Variants in CNTN5 observed in about 807,000 individuals in gnomAD.
CNTN5 encodes the protein contactin 5, also known as contactin-5.
CNTN5 carries 77 observed loss-of-function variants against 129.1 expected under a neutral mutation model. The observed-to-expected ratio is 0.60, with a 90% CI of 0.50 to 0.72. The LOEUF is 0.72. Among genes scored for constraint, CNTN5 ranks in the 30% least tolerant of loss-of-function variants. The pLI, the probability that CNTN5 is intolerant of heterozygous loss-of-function variation, is 0.00. For synonymous variants in CNTN5, 509 were observed against 465.6 expected (o/e 1.09, Z -1.20); for missense variants, 1,478 against 1,328.8 (o/e 1.11, Z -1.75).
chr11:100,241,379 C>G (rs920915015), intron 16 of CNTN5, among the ~76,000 whole-genome samples: 1 of 152,202 alleles, frequency 6.6e-6, no homozygotes, highest in African/African-American at 2.4e-5. Context: ...GCCTACTTTA[C>G]TGCCTGGAAA....
chr11:99,535,530 T>A (rs1947868677), intron 2 of CNTN5, among the ~76,000 whole-genome samples: 1 of 152,110 alleles, frequency 6.6e-6, no homozygotes, highest in African/African-American at 2.4e-5. Context: ...CATGGGGAGC[T>A]CTATTCAGAG....
At chr11:99,916,742 A>G (rs1949799821) in intron 7 of CNTN5, among the ~76,000 whole-genome samples, 1 of 151,962 alleles carries the variant, frequency 6.6e-6, no homozygotes, top group Non-Finnish European at 1.5e-5. Flanking sequence ...TCCTTTTGCA[A>G]GCTTACACCT....
intron 8 of CNTN5, among the ~76,000 whole-genome samples, chr11:100,000,169 TAAA>T (rs1939768036): frequency 6.7e-6 from 1 of 149,932 alleles, no homozygotes; most frequent in South Asian, 2.1e-4. Context: ...ATAATAAAAA[TAAA>T]TAAATAAATA....
At chr11:99,875,719 C>T (rs919953099) in intron 6 of CNTN5, among the ~76,000 whole-genome samples, 2 of 150,520 alleles carry the variant, frequency 1.3e-5, no homozygotes, top group Non-Finnish European at 3.0e-5. Context: ...TGCTAAAAGT[C>T]TGTACACTCT....
chr11:99,636,245 G>A (rs1015732338), intron 3 of CNTN5, among the ~76,000 whole-genome samples: 20 of 152,204 alleles, frequency 1.3e-4, no homozygotes, highest in African/African-American at 4.1e-4. Context: ...AGTTATATGG[G>A]GGAGATTGGG....
chr11:99,976,961 A>G (rs894472603), intron 8 of CNTN5, among the ~76,000 whole-genome samples: 2 of 152,322 alleles, frequency 1.3e-5, no homozygotes, highest in East Asian at 3.9e-4. Flanking sequence ...CCTTTTAAAC[A>G]TAAGCTTGAA....
At chr11:99,356,018 G>C (rs918267729) in intron 2 of CNTN5, among the ~76,000 whole-genome samples, 3 of 151,728 alleles carry the variant, frequency 2.0e-5, no homozygotes, top group African/African-American at 7.3e-5. Context: ...AGTAGAGACG[G>C]GGTTTCACCA....
chr11:100,160,825 A>ACTAT, intron 13 of CNTN5, among the ~76,000 whole-genome samples: 1 of 152,014 alleles, frequency 6.6e-6, no homozygotes, highest in African/African-American at 2.4e-5. Context: ...GGTGGAGAAC[A>ACTAT]CTATCTGCAG....
chr11:99,629,092 G>A (rs570560127), intron 3 of CNTN5, among the ~76,000 whole-genome samples: 1 of 152,086 alleles, frequency 6.6e-6, no homozygotes, highest in South Asian at 2.1e-4. Context: ...CAATAAATAT[G>A]TTGGGTCAAT....
chr11:99,269,733 A>G (rs1470057775), intron 1 of CNTN5, among the ~76,000 whole-genome samples: 1 of 148,080 alleles, frequency 6.8e-6, no homozygotes, highest in African/African-American at 2.6e-5. Context: ...AATATTTCAG[A>G]TAAGTCATCT....
intron 7 of CNTN5, among the ~76,000 whole-genome samples, chr11:99,941,764 T>C (rs1456722773): frequency 6.6e-6 from 1 of 152,058 alleles, no homozygotes. Flanking sequence ...GTAAAAATTA[T>C]TGCACGTGTC....
intron 2 of CNTN5, among the ~76,000 whole-genome samples, chr11:99,511,938 G>A (rs180947725): frequency 6.6e-6 from 1 of 151,874 alleles, no homozygotes; most frequent in African/African-American, 2.4e-5. Context: ...AATGTTATGA[G>A]TCAAAAAAGT....
At chr11:99,770,083 A>G (rs1299572696) in intron 3 of CNTN5, among the ~76,000 whole-genome samples, 1 of 152,178 alleles carries the variant, frequency 6.6e-6, no homozygotes, top group East Asian at 1.9e-4. Flanking sequence ...TTCCTGGAAC[A>G]GGAGTGTTTG....
intron 1 of CNTN5, among the ~76,000 whole-genome samples, chr11:99,100,319 G>A (rs1260411714): frequency 6.6e-6 from 1 of 151,970 alleles, no homozygotes; most frequent in African/African-American, 2.4e-5. Flanking sequence ...AGAGAGGTAG[G>A]GGGAACCTAA....
chr11:99,708,812 C>A (rs906572606), intron 3 of CNTN5, among the ~76,000 whole-genome samples: 4 of 151,730 alleles, frequency 2.6e-5, no homozygotes, highest in African/African-American at 9.7e-5. Context: ...TCATCCTTCT[C>A]ATTTTCTTTA....
At chr11:99,254,479 C>G in intron 1 of CNTN5, among the ~76,000 whole-genome samples, 1 of 151,870 alleles carries the variant, frequency 6.6e-6, no homozygotes, top group East Asian at 1.9e-4. Flanking sequence ...ATAGATTTTG[C>G]ATCAGTAAAA....
intron 2 of CNTN5, among the ~76,000 whole-genome samples, chr11:99,496,293 G>C (rs1230251979): frequency 1.3e-5 from 2 of 152,078 alleles, no homozygotes; most frequent in Non-Finnish European, 2.9e-5. Context: ...TTATTTATTT[G>C]AGACAGAGTC....
intron 3 of CNTN5, among the ~76,000 whole-genome samples, chr11:99,763,055 T>G (rs1341756650): frequency 6.6e-6 from 1 of 152,162 alleles, no homozygotes; most frequent in Non-Finnish European, 1.5e-5. Flanking sequence ...CATGTATCAC[T>G]GCTACGATTT....
chr11:99,918,828 C>A (rs1432611086), intron 7 of CNTN5, among the ~76,000 whole-genome samples: 1 of 152,152 alleles, frequency 6.6e-6, no homozygotes, highest in Non-Finnish European at 1.5e-5. Context: ...ATTTTAATTT[C>A]AGTAAACAAC....
Sources: gnomAD v4.1 joint callset for allele counts (sites outside exome capture counted in the v4.1 genomes callset) on GRCh38, gnomAD v4.1.1 for gene constraint, MANE v1.5 for transcripts, NCBI Gene and HGNC (gene_info 2026-07-23, HGNC 2026-07-21) for gene names.